Variants in ADAMTS2 observed in about 807,000 individuals in gnomAD.
The protein encoded by ADAMTS2 is A disintegrin and metalloproteinase with thrombospondin motifs 2.
Under a neutral mutation model 123.0 loss-of-function variants are expected in ADAMTS2, and 50 were observed. The observed-to-expected ratio is 0.41, with a 90% confidence interval of 0.32 to 0.51. ADAMTS2 has a LOEUF of 0.51. ADAMTS2 is among the 20% of genes least tolerant of loss of function. The probability of loss-of-function intolerance (pLI) is 0.35; values close to 1 mark genes in which losing one functional copy is unlikely to be tolerated. For synonymous variants in ADAMTS2, 678 were observed against 695.4 expected (o/e 0.98, Z 0.39); for missense variants, 1,494 against 1,705.2 (o/e 0.88, Z 2.18).
intron 4 of ADAMTS2, among the ~76,000 whole-genome samples, chr5:179,198,121 GTGGTCTCCCAA>G (rs1004463040): frequency 6.6e-6 from 1 of 152,198 alleles, no homozygotes; most frequent in African/African-American, 2.4e-5. Context: ...AAACATGACA[GTGGTCTCCCAA>G]TGCCCTCGGG....
At chr5:179,199,994 G>T (rs1262399050) in intron 4 of ADAMTS2, among the ~76,000 whole-genome samples, 1 of 152,124 alleles carries the variant, frequency 6.6e-6, no homozygotes, top group Non-Finnish European at 1.5e-5. Flanking sequence ...AGAGACTAAG[G>T]AAGAAAGGAA....
At chr5:179,218,424 G>A (rs576757144) in intron 3 of ADAMTS2, among the ~76,000 whole-genome samples, 1 of 152,376 alleles carries the variant, frequency 6.6e-6, no homozygotes, top group South Asian at 2.1e-4. Flanking sequence ...CTTGGAAGCA[G>A]GCAGGCTCTT....
At position 179,127,990 on chromosome 5, in the gene ADAMTS2, C is replaced by G; in HGVS notation, c.2586G>C (p.Lys862Asn). Residue 862 changes from lysine (K) to asparagine (N), a missense_variant, in exon 17 of 22, where the codon AAG becomes AAC. This residue lies in a region of ADAMTS2 where 953 missense variants were observed against 1,124.7 expected (regional missense o/e 0.85). Transcript: ENST00000251582. ...DSVVYEWALK[K>N]WSPCSKPCGG... is the part of the protein sequence containing the mutation. ...CACAGGGCTTGGAGCACGGAGACCA[C>G]TTCTTCAGGGCCCACTCGTAGACCA... 3.7e-6 allele frequency: 6 copies of G among 1,614,060 alleles called. No individual in the cohort carries two copies. The highest frequency in any genetic ancestry group is 5.1e-6 in the Non-Finnish European group (6 of 1,180,040).
chr5:179,119,666 C>T (rs904405646), intron 21 of ADAMTS2, among the ~76,000 whole-genome samples: 1 of 152,208 alleles, frequency 6.6e-6, no homozygotes, highest in African/African-American at 2.4e-5. Context: ...CAGCCCCCCA[C>T]CTGAGCCGGA....
chr5:179,280,179 G>A (rs574346215), intron 2 of ADAMTS2, among the ~76,000 whole-genome samples: 1 of 152,316 alleles, frequency 6.6e-6, no homozygotes, highest in South Asian at 2.1e-4. Flanking sequence ...CTTTACTCCA[G>A]AAAGTCTCTT....
At chr5:179,121,889 T>C in intron 20 of ADAMTS2, 139 bp from the exon 21 acceptor site, 1 of 553,910 alleles carries the variant, frequency 1.8e-6, no homozygotes, top group Non-Finnish European at 3.1e-6. Context: ...CAAAGGGTCC[T>C]CCGCTGCCAA....
intron 2 of ADAMTS2, among the ~76,000 whole-genome samples, chr5:179,284,278 G>A (rs764487874): frequency 2.6e-5 from 4 of 151,782 alleles, no homozygotes; most frequent in Non-Finnish European, 5.9e-5. Context: ...GCAGTGAGCC[G>A]AGATTGCATC....
At position 179,207,475 on chromosome 5, in the gene ADAMTS2, T is replaced by TACCCC; in HGVS notation, c.891+37_891+38insGGGGT. 9.4e-4 allele frequency: 554 copies of TACCCC among 588,354 alleles called. 1 individual carries two copies. Among genetic ancestry groups the TACCCC allele is most frequent in the East Asian group, 1.9e-3 (50 of 26,498 alleles). The allele number at this position is 588,354 out of a possible 1,614,324, so 36.4% of individuals were successfully genotyped here. ...GGCCTGCCCAGCCCCTGGTTGACCC[T>TACCCC]CCCCGCCCCACCCTGCCCCCTCAGC... On this transcript the variant is annotated intron_variant, in intron 4 of 21. Transcript: ENST00000251582.
At chr5:179,240,981 G>A (rs1765655012) in intron 3 of ADAMTS2, among the ~76,000 whole-genome samples, 1 of 152,208 alleles carries the variant, frequency 6.6e-6, no homozygotes, top group African/African-American at 2.4e-5. Flanking sequence ...GGGATTTCCG[G>A]TCTTGTGAAA....
chr5:179,178,611 T>C (rs1763980911), intron 5 of ADAMTS2, among the ~76,000 whole-genome samples: 1 of 152,250 alleles, frequency 6.6e-6, no homozygotes, highest in South Asian at 2.1e-4. Flanking sequence ...TTGTGCCTTC[T>C]CTCTTTTTTT....
In ADAMTS2 at chr5:179,345,159, T is replaced by C; in HGVS notation, c.139+31A>G. 1 of 1,078,754 alleles carries C rather than the reference T, an allele frequency of 9.3e-7. No individual in the cohort carries two copies. The allele number at this position is 1,078,754 out of a possible 1,614,324, so 66.8% of individuals were successfully genotyped here. A position where few individuals can be genotyped will look rare whatever the true frequency, so the allele number is the denominator to read the frequency against. On this transcript the variant is annotated intron_variant, in intron 1 of 21. Coordinates refer to ENST00000251582, the MANE Select transcript of ADAMTS2 (RefSeq NM_014244.5). The surrounding 1 kb of genome is among the most constrained non-coding windows in gnomAD (Gnocchi z 7.5). ...CGGGACAGGGCCAGGCCGGCGGGGGTCCCGGGGAGTAGGGGCCGGGCCGCA... is the reference window on the plus strand; with the variant it reads ...CGGGACAGGGCCAGGCCGGCGGGGGCCCCGGGGAGTAGGGGCCGGGCCGCA...
intron 3 of ADAMTS2, among the ~76,000 whole-genome samples, chr5:179,207,936 C>T (rs924128245): frequency 6.6e-6 from 1 of 152,148 alleles, no homozygotes; most frequent in Non-Finnish European, 1.5e-5. Flanking sequence ...CTGTGACTTC[C>T]AGGACCGCTC....
chr5:179,316,631 CACGGAGA>C (rs1757004864), intron 2 of ADAMTS2, among the ~76,000 whole-genome samples: 1 of 152,224 alleles, frequency 6.6e-6, no homozygotes, highest in Non-Finnish European at 1.5e-5. Flanking sequence ...GCAGAGCAGG[CACGGAGA>C]ACTGCTGTCG....
chr5:179,306,818 G>A (rs1156681558), intron 2 of ADAMTS2, among the ~76,000 whole-genome samples: 1 of 152,174 alleles, frequency 6.6e-6, no homozygotes, highest in Non-Finnish European at 1.5e-5. Context: ...CTCAACCAGG[G>A]AAAGGACACC....
intron 3 of ADAMTS2, among the ~76,000 whole-genome samples, chr5:179,243,166 A>T (rs965602722): frequency 3.4e-5 from 5 of 145,538 alleles, no homozygotes; most frequent in African/African-American, 1.3e-4. Flanking sequence ...AAAAAAAAAA[A>T]TCAGGAGAAC....
intron 5 of ADAMTS2, among the ~76,000 whole-genome samples, chr5:179,169,623 C>G (rs1763776183): frequency 6.6e-6 from 1 of 152,140 alleles, no homozygotes; most frequent in African/African-American, 2.4e-5. Context: ...TTTCCCACCT[C>G]ATCCCCTGTC....
intron 3 of ADAMTS2, among the ~76,000 whole-genome samples, chr5:179,264,222 A>T (rs545687250): frequency 6.6e-6 from 1 of 152,146 alleles, no homozygotes; most frequent in East Asian, 1.9e-4. Context: ...GGGACCCACT[A>T]TGGGATGCAG....
At chr5:179,116,115 T>C (rs966570241) in intron 21 of ADAMTS2, among the ~76,000 whole-genome samples, 1 of 152,028 alleles carries the variant, frequency 6.6e-6, no homozygotes, top group Non-Finnish European at 1.5e-5. Flanking sequence ...TATGCCCTTG[T>C]TCCTCCCCGT....
At chr5:179,259,214 C>A (rs1488864752) in intron 3 of ADAMTS2, among the ~76,000 whole-genome samples, 1 of 152,222 alleles carries the variant, frequency 6.6e-6, no homozygotes, top group East Asian at 1.9e-4. Context: ...TACTTCGCAT[C>A]TGCTGCCCTG....
Sources: allele counts gnomAD v4.1 joint callset (sites outside exome capture counted in the v4.1 genomes callset), GRCh38; gene constraint gnomAD v4.1.1; regional missense constraint gnomAD v4.1.1; non-coding constraint Gnocchi (gnomAD v3.1); transcripts MANE v1.5; gene names NCBI Gene and HGNC (gene_info 2026-07-23, HGNC 2026-07-21).